Variants in SPSB1 observed in about 807,000 individuals in gnomAD.
SPSB1 encodes the protein SPRY domain-containing SOCS box protein 1.
In SPSB1, 8 loss-of-function variants were observed where a neutral mutation model predicts 21.2. The ratio of observed to expected loss-of-function variants is 0.38; its 90% CI spans 0.22 to 0.68. The LOEUF (loss-of-function observed/expected upper bound fraction) is 0.68, where lower values mean the gene tolerates loss of function less well. Ranked by LOEUF, SPSB1 falls within the 30% of genes least tolerant of loss-of-function variation. The probability of loss-of-function intolerance (pLI) is 0.53; values close to 1 mark genes in which losing one functional copy is unlikely to be tolerated. For synonymous variants in SPSB1, 169 were observed against 161.7 expected, an observed-to-expected ratio of 1.05 and a Z score of -0.34; for missense variants, 242 against 377.8, an observed-to-expected ratio of 0.64 and a Z score of 2.98.
At chr1:9,364,859 T>C (rs1640541275) in intron 2 of SPSB1, among the ~76,000 whole-genome samples, 1 of 152,144 alleles carries the variant, frequency 6.6e-6, no homozygotes, top group Non-Finnish European at 1.5e-5. Flanking sequence ...TTGTTGTTGT[T>C]GGTTTTTCTG....
At position 9,356,523 on chromosome 1, in the gene SPSB1, C is replaced by T; in HGVS notation, c.632C>T (p.Pro211Leu). 6.2e-7 allele frequency: 1 copy of T among 1,610,206 alleles called. No homozygotes were observed. Residue 211 changes from proline to leucine, a missense_variant, in exon 2 of 3, where the codon CCT becomes CTT. Physicochemically the swap from Pro to Leu is moderately conservative, Grantham distance 98 (BLOSUM62 -3). Coordinates refer to ENST00000328089, the MANE Select transcript of SPSB1 (RefSeq NM_025106.4). The surrounding 1 kb of genome is among the most constrained non-coding windows in gnomAD (Gnocchi z 7.4). Reference protein sequence around the residue: ...FRGLKGKKLYPVVSAVWGHCE... With the variant: ...FRGLKGKKLYLVVSAVWGHCE... ...GGACTCAAGGGCAAAAAACTGTATCCTGTAGTGAGTGCCGTCTGGGGCCAC... is the reference window on the plus strand; with the variant it reads ...GGACTCAAGGGCAAAAAACTGTATCTTGTAGTGAGTGCCGTCTGGGGCCAC...
chr1:9,317,350 G>A lies in SPSB1; in HGVS notation c.-150+24279G>A, dbSNP rs149942378. The stretch of plus-strand genomic sequence containing the variant: ...ACCACTGGGAGCTTTGATGATACCC[G>A]GTATATAGTAAGTGCTTGATAAAAG... On this transcript the variant is annotated intron_variant, in intron 1 of 2. Coordinates refer to ENST00000328089, the MANE Select transcript of SPSB1 (RefSeq NM_025106.4). This position sits in a 1 kb window ranked among gnomAD's most constrained non-coding sequence, Gnocchi z 4.3. Among the ~76,000 whole-genome samples, 298 of 152,248 alleles carry A rather than the reference G, an allele frequency of 2.0e-3. No homozygotes were observed. The highest frequency in any genetic ancestry group is 6.8e-3 in the Middle Eastern group (2 of 294).
chr1:9,340,660 C>T (rs1205293126), intron 1 of SPSB1, among the ~76,000 whole-genome samples: 1 of 152,266 alleles, frequency 6.6e-6, no homozygotes, highest in Admixed American at 6.5e-5. Flanking sequence ...CGGTCTGAGC[C>T]GCCTGTGCTG....
chr1:9,361,166 T>TTTTTTTTTTTTC (rs1557467321), intron 2 of SPSB1, among the ~76,000 whole-genome samples: 5 of 141,064 alleles, frequency 3.5e-5, no homozygotes, highest in Non-Finnish European at 4.6e-5. Flanking sequence ...CTTTTTTTTT[T>TTTTTTTTTTTTC]TTTTTTTTTT....
chr1:9,359,266 G>A (rs1036755235), intron 2 of SPSB1, among the ~76,000 whole-genome samples: 2 of 152,230 alleles, frequency 1.3e-5, no homozygotes, highest in African/African-American at 4.8e-5. Context: ...GGGACACCGA[G>A]CAAAACATTG....
At chr1:9,307,062 G>C (rs948691989) in intron 1 of SPSB1, among the ~76,000 whole-genome samples, 1 of 151,878 alleles carries the variant, frequency 6.6e-6, no homozygotes, top group African/African-American at 2.4e-5. Flanking sequence ...TGGGTAGCTG[G>C]GATTACAGGC....
rs868386504 is a variant in SPSB1, at chr1:9,293,521, T to C, written c.-150+450T>C. Among the ~76,000 whole-genome samples the C allele has an allele frequency of 6.6e-6, 1 of 151,256 alleles. No individual in the cohort carries two copies. The highest frequency in any genetic ancestry group is 2.4e-5 in the African/African-American group (1 of 41,246). On this transcript the variant is annotated intron_variant, in intron 1 of 2. Transcript: ENST00000328089. This position sits in a 1 kb window ranked among gnomAD's most constrained non-coding sequence, Gnocchi z 5.1. ...CTTTTCCCGCCAGTCCGAGTCGGGA[T>C]TGGCGGCGCGGCCCGGTCCCCCGTC...
Position 9,305,583 on chromosome 1 carries a change from T to G in SPSB1, c.-150+12512T>G, listed in dbSNP as rs376665013. On this transcript the variant is annotated intron_variant, in intron 1 of 2. Coordinates refer to ENST00000328089, the MANE Select transcript of SPSB1 (RefSeq NM_025106.4). This position sits in a 1 kb window ranked among gnomAD's most constrained non-coding sequence, Gnocchi z 4.8. ...GAGAGCTCGATGTGGGCCCAGGGTG[T>G]GGGTGCTGGGGGTGGGGACTCCCCG... Among the ~76,000 whole-genome samples the G allele has an allele frequency of 3.3e-5, 5 of 152,270 alleles. No homozygotes were observed. The East Asian group carries it at 9.7e-4, about 29-fold the overall frequency.
Position 9,293,721 on chromosome 1 carries a change from GGA to G in SPSB1, c.-150+652_-150+653del, listed in dbSNP as rs1321663076. Among the ~76,000 whole-genome samples, 2 of 152,216 alleles carry G rather than the reference GGA, an allele frequency of 1.3e-5. No homozygotes were observed. Among genetic ancestry groups the G allele is most frequent in the Non-Finnish European group, 2.9e-5 (2 of 68,034 alleles). ...AAAACAAGGGCGGCCTGGGCCCGCG[GGA>G]GGAACCGCGGATGGGTCACCGTCCC... On this transcript the variant is annotated intron_variant, in intron 1 of 2. Transcript: ENST00000328089. The surrounding 1 kb of genome is among the most constrained non-coding windows in gnomAD (Gnocchi z 5.1).
Position 9,367,343 on chromosome 1 carries a change from G to T in SPSB1, c.695-105G>T. The T allele has an allele frequency of 6.4e-7, 1 of 1,562,824 alleles. No homozygotes were observed. The highest frequency in any genetic ancestry group is 1.1e-5 in the South Asian group (1 of 89,264). On this transcript the variant is annotated intron_variant, in intron 2 of 2. Coordinates refer to ENST00000328089, the MANE Select transcript of SPSB1 (RefSeq NM_025106.4). This position sits in a 1 kb window ranked among gnomAD's most constrained non-coding sequence, Gnocchi z 5.9. The stretch of plus-strand genomic sequence containing the variant: ...TTGCATTTTTCATTGTTTCTTTACT[G>T]ATTTGAGTGAATACTAATCAGTGAT...
Position 9,367,810 on chromosome 1 carries a change from G to A in SPSB1, c.*235G>A, listed in dbSNP as rs2275457. The A allele has an allele frequency of 0.78, 469,299 of 603,944 alleles. 185,656 individuals carry two copies. Among genetic ancestry groups the A allele is most frequent in the Middle Eastern group, 0.85 (1,886 of 2,226 alleles). 37.4% of individuals were successfully genotyped at this position (603,944 alleles called of 1,614,324 possible). ...AAGGCAGCATCCCTGCATGCCGTCC[G>A]TATACAACCCCTCTTTGAAAAAAGA... is the stretch of plus-strand genomic sequence containing the variant. On this transcript the variant is annotated 3_prime_UTR_variant, in exon 3 of 3. Transcript: ENST00000328089. This position sits in a 1 kb window ranked among gnomAD's most constrained non-coding sequence, Gnocchi z 5.9.
intron 1 of SPSB1, among the ~76,000 whole-genome samples, chr1:9,330,506 A>G (rs1639897296): frequency 6.6e-6 from 1 of 150,612 alleles, no homozygotes; most frequent in Non-Finnish European, 1.5e-5. Context: ...AAGATTTGCC[A>G]GTCTCCTTAC....
chr1:9,322,310 G>T (rs1450885677), intron 1 of SPSB1, among the ~76,000 whole-genome samples: 1 of 152,204 alleles, frequency 6.6e-6, no homozygotes, highest in Non-Finnish European at 1.5e-5. Flanking sequence ...GGAAACTGAG[G>T]TTCGGAAAGT....
chr1:9,323,985 A>T (rs1430266414), intron 1 of SPSB1, among the ~76,000 whole-genome samples: 2 of 152,086 alleles, frequency 1.3e-5, no homozygotes, highest in Non-Finnish European at 2.9e-5. Context: ...GAGGTGGGCC[A>T]CTTGCAAGTG....
At position 9,345,824 on chromosome 1, in the gene SPSB1, T is replaced by G. The variant is rs1257950031; in HGVS notation, c.-149-9919T>G. 2.6e-5 allele frequency among the ~76,000 whole-genome samples: 4 copies of G among 152,210 alleles called. No individual in the cohort carries two copies. Among genetic ancestry groups the G allele is most frequent in the African/African-American group, 4.8e-5 (2 of 41,452 alleles). ...ACTTTCCAGAAGGATCCTGTTCTTT[T>G]TTGTTGATTCTAGGGGCACAGACTT... On this transcript the variant is annotated intron_variant, in intron 1 of 2. Coordinates refer to ENST00000328089, the MANE Select transcript of SPSB1 (RefSeq NM_025106.4). This position sits in a 1 kb window ranked among gnomAD's most constrained non-coding sequence, Gnocchi z 4.8.
chr1:9,355,409 C>T (rs113916340), intron 1 of SPSB1, among the ~76,000 whole-genome samples: 2,972 of 152,356 alleles, frequency 0.02, 35 homozygotes, highest in Middle Eastern at 0.065. Flanking sequence ...TTCTGTGGCA[C>T]CATGGCCTTC....
At chr1:9,338,348 G>A (rs1221397149) in intron 1 of SPSB1, among the ~76,000 whole-genome samples, 3 of 152,186 alleles carry the variant, frequency 2.0e-5, no homozygotes, top group African/African-American at 7.2e-5. Flanking sequence ...CTGTATGGGG[G>A]CTCTGGGTGT....
intron 1 of SPSB1, among the ~76,000 whole-genome samples, chr1:9,355,160 A>G (rs538267032): frequency 6.6e-6 from 1 of 152,336 alleles, no homozygotes; most frequent in African/African-American, 2.4e-5. Context: ...TGCCAAGCGC[A>G]CACAGACCCC....
At chr1:9,307,227 C>T (rs889650772) in intron 1 of SPSB1, among the ~76,000 whole-genome samples, 25 of 152,132 alleles carry the variant, frequency 1.6e-4, no homozygotes, top group African/African-American at 4.3e-4. Flanking sequence ...TGTGCCTGGC[C>T]GTCTTTTCTC....
Sources: allele counts gnomAD v4.1 joint callset (sites outside exome capture counted in the v4.1 genomes callset), GRCh38; gene constraint gnomAD v4.1.1; non-coding constraint Gnocchi (gnomAD v3.1); transcripts MANE v1.5; gene names NCBI Gene and HGNC (gene_info 2026-07-23, HGNC 2026-07-21).